The following STIL variants were observed in gnomAD, a reference collection of about 807,000 sequenced individuals.
STIL encodes the protein STIL centriolar assembly protein, also known as SCL-interrupting locus protein.
In STIL, 55 loss-of-function variants were observed where a neutral mutation model predicts 110.1. That is an observed-to-expected ratio of 0.50 (90% CI 0.40 to 0.63). STIL has a LOEUF of 0.63. Ranked by LOEUF, STIL falls within the 20% of genes least tolerant of loss-of-function variation. The probability of loss-of-function intolerance (pLI) is 0.00; values close to 1 mark genes in which losing one functional copy is unlikely to be tolerated. For missense variants in STIL, 1,358 were observed against 1,530.0 expected, an observed-to-expected ratio of 0.89 and a Z score of 1.87; for synonymous variants, 481 against 530.0, an observed-to-expected ratio of 0.91 and a Z score of 1.27.
At chr1:47,314,148 G>C (rs1646222672), upstream of STIL, 1 of 152,318 alleles carries the variant, frequency 6.6e-6, no homozygotes, top group African/African-American at 2.4e-5. Context: ...CGCGGGAACT[G>C]AGGCGGCAAA....
Position 47,300,022 on chromosome 1 carries a change from A to G in STIL, c.584T>C (p.Leu195Pro). The change falls in exon 6 of 17, where the codon CTA becomes CCA. Residue 195 changes from leucine (L) to proline (P), a missense_variant. By Grantham distance (98) the Leu-to-Pro change is moderately conservative. Transcript: ENST00000371877. The part of the protein sequence containing the change: ...EFDLHWAAVT[L>P]ANNFKCTPVK... ...AGGTGTGCATTTAAAGTTATTTGCT[A>G]GAGTTACTGCTGCCCAATGCAAGTC... is the stretch of plus-strand genomic sequence containing the variant. 5.6e-6 allele frequency: 9 copies of G among 1,614,178 alleles called. No homozygotes were observed. The highest frequency in any genetic ancestry group is 1.3e-5 in the African/African-American group (1 of 75,066).
intron 1 of STIL, among the ~76,000 whole-genome samples, chr1:47,311,788 T>C (rs535295772): frequency 1.3e-5 from 2 of 152,334 alleles, no homozygotes; most frequent in South Asian, 4.1e-4. Flanking sequence ...AGCTCATTCC[T>C]GTAATCCCAC....
rs778068393 is a variant in STIL, at chr1:47,301,727, G to A, written c.287C>T (p.Thr96Ile). 6 of 1,613,918 alleles carry A rather than the reference G, an allele frequency of 3.7e-6. No homozygotes were observed. Among genetic ancestry groups the A allele is most frequent in the East Asian group, 2.2e-5 (1 of 44,858 alleles). Residue 96 changes from threonine to isoleucine, a missense_variant, in exon 5 of 17, where the codon ACA (threonine) becomes ATA (isoleucine). By Grantham distance (89) the Thr-to-Ile change is moderately conservative. Transcript: ENST00000371877. ...ADEDEEGVTLTVDRFDPGREV... is the reference protein window; with the variant it reads ...ADEDEEGVTLIVDRFDPGREV... The stretch of plus-strand genomic sequence containing the variant: ...TCGACCAGGATCAAAGCGATCTACT[G>A]TCAATGTTACACCTTCTTCATCTGT...
At chr1:47,289,650 C>T in intron 8 of STIL, 65 bp from the exon 9 acceptor site, 1 of 1,420,226 alleles carries the variant, frequency 7.0e-7, no homozygotes, top group Non-Finnish European at 9.9e-7. Flanking sequence ...CAAATAACTT[C>T]ATGTGAGTCT....
chr1:47,270,251 T>TACACACACACACACACAC (rs1223004051), intron 13 of STIL, among the ~76,000 whole-genome samples: 1 of 119,194 alleles, frequency 8.4e-6, no homozygotes, highest in Non-Finnish European at 1.6e-5. Flanking sequence ...AATATATATA[T>TACACACACACACACACAC]ATATACACAC....
chr1:47,293,596 T>A, intron 7 of STIL, 52 bp from the exon 8 acceptor site: 1 of 1,386,818 alleles, frequency 7.2e-7, no homozygotes, highest in Non-Finnish European at 1.0e-6. Context: ...ATATATAGCA[T>A]AATTTACATT....
intron 16 of STIL, 88 bp downstream of exon 16, chr1:47,260,201 T>G (rs1644442864): frequency 3.8e-6 from 5 of 1,309,678 alleles, no homozygotes; most frequent in Non-Finnish European, 5.2e-6. Context: ...CTAAAATTTA[T>G]TCATCTAGCC....
chr1:47,300,024 A>G lies in STIL; in HGVS notation c.582T>C (p.Thr194=). 6.2e-7 allele frequency: 1 copy of G among 1,614,150 alleles called. No homozygotes were observed. Among genetic ancestry groups the G allele is most frequent in the East Asian group, 2.2e-5 (1 of 44,872 alleles). ...VEFDLHWAAV[T]LANNFKCTPV... ...GTGTGCATTTAAAGTTATTTGCTAGAGTTACTGCTGCCCAATGCAAGTCAA... is the reference window on the plus strand; with the variant it reads ...GTGTGCATTTAAAGTTATTTGCTAGGGTTACTGCTGCCCAATGCAAGTCAA... The change falls in exon 6 of 17, where the codon ACT becomes ACC. Residue 194 remains threonine (T), a synonymous_variant. Transcript: ENST00000371877.
intron 6 of STIL, among the ~76,000 whole-genome samples, chr1:47,297,511 C>T (rs1382215369): frequency 6.6e-6 from 1 of 151,982 alleles, no homozygotes; most frequent in Non-Finnish European, 1.5e-5. Context: ...CTATTTATTT[C>T]CAATGTCTAA....
rs12081837 is a variant in STIL, at chr1:47,307,077, G to C, written c.45-2081C>G. ...GAGGCACGAGAATCACTTGAACCCA[G>C]GGGGAAGAGGTTTCAGTGAGCCAAG... On this transcript the variant is annotated intron_variant, in intron 2 of 16. Coordinates refer to ENST00000371877, the MANE Select transcript of STIL (RefSeq NM_001048166.1). 2.4e-3 allele frequency among the ~76,000 whole-genome samples: 371 copies of C among 152,286 alleles called. 3 individuals are homozygous for C. The highest frequency in any genetic ancestry group is 8.7e-3 in the African/African-American group (363 of 41,568).
At chr1:47,253,811 TC>T (rs1644252190) in intron 16 of STIL, among the ~76,000 whole-genome samples, 1 of 152,116 alleles carries the variant, frequency 6.6e-6, no homozygotes, top group South Asian at 2.1e-4. Context: ...CCCACAAAAA[TC>T]AAACAACCAT....
At chr1:47,269,893 G>A (rs1441853506) in intron 13 of STIL, 27 bp from the exon 14 acceptor site, 2 of 1,577,072 alleles carry the variant, frequency 1.3e-6, no homozygotes, top group South Asian at 1.1e-5. Flanking sequence ...TTAAGATACT[G>A]AAACAAACAT....
chr1:47,272,788 G>A (rs1051702850), intron 12 of STIL, among the ~76,000 whole-genome samples: 2 of 152,114 alleles, frequency 1.3e-5, no homozygotes, highest in Non-Finnish European at 2.9e-5. Flanking sequence ...AAGTGTGAAT[G>A]GTTAATACTT....
chr1:47,258,683 G>A (rs986098696), intron 16 of STIL, among the ~76,000 whole-genome samples: 1 of 151,998 alleles, frequency 6.6e-6, no homozygotes, highest in African/African-American at 2.4e-5. Context: ...GACCAGACTG[G>A]GCAACATAGC....
chr1:47,267,486 C>T (rs554407588), intron 14 of STIL, among the ~76,000 whole-genome samples: 7 of 151,952 alleles, frequency 4.6e-5, no homozygotes, highest in African/African-American at 1.4e-4. Context: ...AGGTGGCTAA[C>T]CTGAGGTCAG....
At chr1:47,267,922 A>T (rs1041279221) in intron 14 of STIL, among the ~76,000 whole-genome samples, 1 of 152,194 alleles carries the variant, frequency 6.6e-6, no homozygotes, top group Middle Eastern at 3.4e-3. Flanking sequence ...TTTAATGGAA[A>T]ATTTCATAAT....
rs17103075 is a variant in STIL at position 47,289,644 on chromosome 1, T to C, written c.873-59A>G. ...TGAGGATAACATGATGACACTCAAA[T>C]AACTTCATGTGAGTCTCCCAATCTA... On this transcript the variant is annotated intron_variant, in intron 8 of 16. Transcript: ENST00000371877. 0.017 allele frequency: 24,654 copies of C among 1,470,756 alleles called. 1,239 individuals are homozygous for C. The East Asian group carries it at 0.17, about 10-fold the overall frequency. 91.1% of individuals were successfully genotyped at this position (1,470,756 alleles called of 1,614,324 possible).
chr1:47,311,840 A>G (rs3125631), intron 1 of STIL, among the ~76,000 whole-genome samples: 33,459 of 151,882 alleles, frequency 0.22, 4,339 homozygotes, highest in East Asian at 0.52. Flanking sequence ...TGAGGTGAGG[A>G]GTTCGAGACC....
intron 9 of STIL, 127 bp from the exon 10 acceptor site, chr1:47,287,787 C>CTTTTG: frequency 1.4e-6 from 1 of 730,976 alleles, no homozygotes. Flanking sequence ...CTGTAACCCT[C>CTTTTG]TTTTGTAAAC....
Sources: allele counts gnomAD v4.1 joint callset (sites outside exome capture counted in the v4.1 genomes callset), GRCh38; gene constraint gnomAD v4.1.1; transcripts MANE v1.5; gene names NCBI Gene and HGNC (gene_info 2026-07-23, HGNC 2026-07-21).